The following GIMAP8 variants were observed in gnomAD, a reference collection of about 807,000 sequenced individuals.
GIMAP8 encodes the protein GTPase, IMAP family member 8.
In GIMAP8, 29 loss-of-function variants were observed where a neutral mutation model predicts 35.6. The observed-to-expected ratio is 0.81, with a 90% CI of 0.61 to 1.11. The LOEUF is 1.11. Among genes scored for constraint, GIMAP8 ranks in the 50% most tolerant of loss-of-function variants. GIMAP8 has a pLI of 0.00. For missense variants in GIMAP8, 811 were observed against 805.0 expected, an observed-to-expected ratio of 1.01 and a Z score of -0.09; for synonymous variants, 335 against 308.7, an observed-to-expected ratio of 1.09 and a Z score of -0.89.
In GIMAP8 at chr7:150,467,723, C is replaced by T. The variant is rs145070217; in HGVS notation, c.636+389C>T. Among the ~76,000 whole-genome samples the T allele has an allele frequency of 3.8e-3, 579 of 152,248 alleles. 4 individuals are homozygous for T. Among genetic ancestry groups the T allele is most frequent in the African/African-American group, 0.013 (560 of 41,546 alleles). On this transcript the variant is annotated intron_variant, in intron 2 of 4. Transcript: ENST00000307271. Reference sequence around the variant, plus strand: ...CGCTGAGTCCTTCTCTAATCTCTGACGTCTAAAAATGAACATCCTCAGGGC... The same window carrying T: ...CGCTGAGTCCTTCTCTAATCTCTGATGTCTAAAAATGAACATCCTCAGGGC...
chr7:150,460,037 C>T (rs1801812255), intron 1 of GIMAP8, among the ~76,000 whole-genome samples: 1 of 152,126 alleles, frequency 6.6e-6, no homozygotes, highest in Non-Finnish European at 1.5e-5. Context: ...TGGTATTGGC[C>T]TCTGCTGCTA....
intron 1 of GIMAP8, among the ~76,000 whole-genome samples, chr7:150,453,251 G>A (rs959222493): frequency 7.9e-5 from 12 of 152,216 alleles, no homozygotes; most frequent in African/African-American, 2.9e-4. Flanking sequence ...GATGCTCTTA[G>A]AAGATCCCCG....
chr7:150,471,036 C>T (rs1802079822), intron 3 of GIMAP8, among the ~76,000 whole-genome samples, 162 bp downstream of exon 3: 1 of 152,188 alleles, frequency 6.6e-6, no homozygotes, highest in Non-Finnish European at 1.5e-5. Context: ...AAACTCCTAA[C>T]ACTTGTGAGT....
In GIMAP8 at chr7:150,470,827, A is replaced by C; in HGVS notation, c.637-2A>C. ...GCACTATTTTGTTCCTTTATTTTCT[A>C]GGATTGTGTGAATGAAGCTGCATCT... On this transcript the variant is annotated splice_acceptor_variant, in intron 2 of 4. Transcript: ENST00000307271. LOFTEE classifies it high-confidence loss of function. 6.6e-7 allele frequency: 1 copy of C among 1,525,576 alleles called. No homozygotes were observed. Among genetic ancestry groups the C allele is most frequent in the Non-Finnish European group, 8.8e-7 (1 of 1,134,436 alleles). 94.5% of individuals were successfully genotyped at this position (1,525,576 alleles called of 1,614,324 possible). A position where few individuals can be genotyped will look rare whatever the true frequency, so the allele number is the denominator to read the frequency against.
intron 1 of GIMAP8, among the ~76,000 whole-genome samples, chr7:150,452,575 G>GTATGTATATATGTATATATATGTATA (rs911198622): frequency 6.9e-6 from 1 of 144,540 alleles, no homozygotes; most frequent in African/African-American, 2.7e-5. Context: ...ATGTGTGTGT[G>GTATGTATATATGTATATATATGTATA]TATGTATATA....
chr7:150,453,099 G>C (rs2116581878), intron 1 of GIMAP8, among the ~76,000 whole-genome samples: 1 of 151,686 alleles, frequency 6.6e-6, no homozygotes, highest in East Asian at 1.9e-4. Context: ...AGAACATTTA[G>C]ACATTTAAAA....
chr7:150,452,868 G>A (rs373902816), intron 1 of GIMAP8, among the ~76,000 whole-genome samples: 3 of 150,824 alleles, frequency 2.0e-5, no homozygotes, highest in African/African-American at 2.4e-5. Flanking sequence ...GGTTACAGGC[G>A]TGAGCCACTG....
intron 2 of GIMAP8, among the ~76,000 whole-genome samples, chr7:150,467,794 T>C (rs559690121): frequency 1.2e-4 from 18 of 152,200 alleles, no homozygotes; most frequent in Non-Finnish European, 2.6e-4. Flanking sequence ...TCTCAGATGA[T>C]CCCACACTTT....
At chr7:150,452,675 GATATATATATATATATAT>G (rs373374121) in intron 1 of GIMAP8, among the ~76,000 whole-genome samples, 57 of 79,656 alleles carry the variant, frequency 7.2e-4, no homozygotes, top group Middle Eastern at 8.6e-3. Context: ...GTGTGTGTGA[GATATATATATATATATAT>G]ATATATATAT....
At chr7:150,464,205 A>G (rs1374262698) in intron 1 of GIMAP8, among the ~76,000 whole-genome samples, 2 of 152,220 alleles carry the variant, frequency 1.3e-5, no homozygotes, top group Non-Finnish European at 2.9e-5. Context: ...AGAACCTAAA[A>G]TGCTCATTTA....
At chr7:150,456,016 T>C (rs77253004) in intron 1 of GIMAP8, among the ~76,000 whole-genome samples, 2,242 of 152,214 alleles carry the variant, frequency 0.015, 56 homozygotes, top group African/African-American at 0.051. Context: ...TTCAATCCCA[T>C]GCAAGAAGTG....
chr7:150,473,488 A>T (rs1330285336), intron 3 of GIMAP8, among the ~76,000 whole-genome samples: 2 of 149,334 alleles, frequency 1.3e-5, no homozygotes, highest in Non-Finnish European at 1.5e-5. Context: ...CTTCAACTTC[A>T]TATGGTAGAA....
At chr7:150,460,525 T>C (rs1210939986) in intron 1 of GIMAP8, among the ~76,000 whole-genome samples, 8 of 152,250 alleles carry the variant, frequency 5.3e-5, no homozygotes, top group African/African-American at 1.9e-4. Flanking sequence ...CTTAAAGTTC[T>C]GCCCATTGGG....
In GIMAP8 at chr7:150,477,494, G is replaced by A; in HGVS notation, c.1712G>A (p.Gly571Glu). 1 of 1,614,194 alleles carries A rather than the reference G, an allele frequency of 6.2e-7. No individual in the cohort carries two copies. Among genetic ancestry groups the A allele is most frequent in the Non-Finnish European group, 8.5e-7 (1 of 1,180,030 alleles). Residue 571 changes from glycine to glutamate, a missense_variant, in exon 5 of 5, where the codon GGG becomes GAG. By Grantham distance (98) the Gly-to-Glu change is moderately conservative. Transcript: ENST00000307271. ...CTGTTCACCCGGAAGGAAGACCTAG[G>A]GGCGGGGAATTTGGAAGACTTCATG... ...IMLFTRKEDL[G>E]AGNLEDFMKN...
rs540964979 is a variant in GIMAP8, at chr7:150,471,258, G to A, written c.682+384G>A. 2.6e-5 allele frequency among the ~76,000 whole-genome samples: 4 copies of A among 152,356 alleles called. No homozygotes were observed. The South Asian group carries it at 8.3e-4, about 32-fold the overall frequency. ...ACACCAACTTGGAGAATTCTCTGAT[G>A]GGGTGCAGTATTCAGGTGATGATTG... is the stretch of plus-strand genomic sequence containing the variant. On this transcript the variant is annotated intron_variant, in intron 3 of 4. Transcript: ENST00000307271.
chr7:150,462,135 G>A (rs1013113121), intron 1 of GIMAP8, among the ~76,000 whole-genome samples: 3 of 152,180 alleles, frequency 2.0e-5, no homozygotes, highest in African/African-American at 7.2e-5. Flanking sequence ...ACCTTCTTAA[G>A]GGTGGGGGAG....
intron 3 of GIMAP8, among the ~76,000 whole-genome samples, chr7:150,471,846 A>G (rs1413657617): frequency 3.3e-5 from 5 of 152,098 alleles, no homozygotes; most frequent in Non-Finnish European, 7.4e-5. Flanking sequence ...CAAAAAAAAA[A>G]AAAATTGCAG....
intron 4 of GIMAP8, among the ~76,000 whole-genome samples, chr7:150,475,457 T>C (rs903278546): frequency 3.2e-4 from 49 of 152,238 alleles, no homozygotes; most frequent in African/African-American, 1.1e-3. Context: ...TCTCTTCAAC[T>C]GGATAGTGTG....
chr7:150,456,195 A>C (rs939643850), intron 1 of GIMAP8, among the ~76,000 whole-genome samples: 1 of 152,210 alleles, frequency 6.6e-6, no homozygotes, highest in African/African-American at 2.4e-5. Flanking sequence ...AGAGTGTATT[A>C]GTTTCCTATT....
Sources: allele counts gnomAD v4.1 joint callset (sites outside exome capture counted in the v4.1 genomes callset), GRCh38; gene constraint gnomAD v4.1.1; transcripts MANE v1.5; gene names NCBI Gene and HGNC (gene_info 2026-07-23, HGNC 2026-07-21).